Variants in TMEM131 observed in about 807,000 individuals in gnomAD.
TMEM131 encodes 2610524E03Rik.
Under a neutral mutation model 211.6 loss-of-function variants are expected in TMEM131, and 66 were observed. The observed-to-expected ratio is 0.31, with a 90% CI of 0.26 to 0.38. The LOEUF (loss-of-function observed/expected upper bound fraction) is 0.38, where lower values mean the gene tolerates loss of function less well. TMEM131 is among the 10% of genes least tolerant of loss of function. The pLI, the probability that TMEM131 is intolerant of heterozygous loss-of-function variation, is 1.00. For synonymous variants in TMEM131, 844 were observed against 841.3 expected (o/e 1.00, Z -0.06); for missense variants, 2,036 against 2,299.3 (o/e 0.89, Z 2.34).
At chr2:97,800,211 A>G (rs1016991748) in intron 25 of TMEM131, among the ~76,000 whole-genome samples, 2 of 152,136 alleles carry the variant, frequency 1.3e-5, no homozygotes, top group African/African-American at 2.4e-5. Context: ...GTATTTTGAG[A>G]ACCACATTCT....
chr2:97,902,393 G>T (rs1675892757), intron 3 of TMEM131, among the ~76,000 whole-genome samples: 1 of 152,114 alleles, frequency 6.6e-6, no homozygotes, highest in Admixed American at 6.6e-5. Context: ...ACTGTAGACA[G>T]ATAACTGGAG....
intron 31 of TMEM131, 141 bp from the exon 32 acceptor site, chr2:97,776,159 T>C: frequency 2.6e-6 from 2 of 775,036 alleles, no homozygotes; most frequent in Non-Finnish European, 4.0e-6. Flanking sequence ...GTTCACACCA[T>C]TCTCCTGCCT....
chr2:97,809,092 G>C (rs1026170818), intron 19 of TMEM131, among the ~76,000 whole-genome samples: 2 of 152,160 alleles, frequency 1.3e-5, no homozygotes, highest in Admixed American at 6.5e-5. Context: ...TTTCTGCAGA[G>C]AGCCAGTCTT....
At chr2:97,990,831 G>GT (rs2104681221) in intron 1 of TMEM131, among the ~76,000 whole-genome samples, 1 of 152,216 alleles carries the variant, frequency 6.6e-6, no homozygotes, top group Admixed American at 6.5e-5. Flanking sequence ...TTTGTACTGT[G>GT]TTTTGCACCT....
chr2:97,865,065 CAATAGTTTTTATGTGTATGTATGG>C (rs1674217927), intron 4 of TMEM131, among the ~76,000 whole-genome samples: 1 of 152,192 alleles, frequency 6.6e-6, no homozygotes, highest in Non-Finnish European at 1.5e-5. Flanking sequence ...ATGGGGCAAT[CAATAGTTTTTATGTGTATGTATGG>C]AACTGGGGCT....
chr2:97,814,139 A>T lies in TMEM131; in HGVS notation c.1449T>A (p.Val483=). Residue 483 remains valine (V), a splice_region_variant and synonymous_variant, in exon 15 of 41, where the codon GTT becomes GTA. Coordinates refer to ENST00000186436, the MANE Select transcript of TMEM131 (RefSeq NM_015348.2). ...TTAAGACTGGTTTGCTGAAGTTGTG[A>T]ACCTGAGAAATGACAGAAGAGAAAA... The part of the protein sequence containing the change: ...LPEEAKTMFK[V]HNFSKPVLIL... The T allele has an allele frequency of 1.9e-6, 3 of 1,612,408 alleles. No individual in the cohort carries two copies. The highest frequency in any genetic ancestry group is 2.5e-6 in the Non-Finnish European group (3 of 1,179,126).
intron 22 of TMEM131, among the ~76,000 whole-genome samples, 172 bp from the exon 23 acceptor site, chr2:97,802,962 T>C (rs1025882740): frequency 6.6e-6 from 1 of 152,220 alleles, no homozygotes; most frequent in African/African-American, 2.4e-5. Flanking sequence ...TGTCTCTATA[T>C]TGGTGCAAAG....
intron 1 of TMEM131, among the ~76,000 whole-genome samples, chr2:97,937,519 T>C (rs1169242295): frequency 6.6e-6 from 1 of 152,174 alleles, no homozygotes; most frequent in African/African-American, 2.4e-5. Context: ...ACTAAACTAT[T>C]ACAAGTTGAT....
At chr2:97,994,990 CAG>C (rs768605998) in intron 1 of TMEM131, among the ~76,000 whole-genome samples, 1 of 152,172 alleles carries the variant, frequency 6.6e-6, no homozygotes. Context: ...ATCAATAACG[CAG>C]AGACACTAAA....
chr2:97,852,476 A>C (rs1448410128), intron 5 of TMEM131, among the ~76,000 whole-genome samples: 1 of 152,156 alleles, frequency 6.6e-6, no homozygotes, highest in African/African-American at 2.4e-5. Flanking sequence ...CCATTCTCTT[A>C]AGCCAAAGTC....
At chr2:97,822,685 G>C (rs923706925) in intron 11 of TMEM131, among the ~76,000 whole-genome samples, 2 of 152,122 alleles carry the variant, frequency 1.3e-5, no homozygotes, top group African/African-American at 4.8e-5. Flanking sequence ...TGTGGTCTAG[G>C]AGGAAAACTA....
At chr2:97,842,065 TA>T (rs901678623) in intron 6 of TMEM131, 128 bp from the exon 7 acceptor site, 123 of 911,232 alleles carry the variant, frequency 1.3e-4, no homozygotes, top group South Asian at 3.0e-4. Context: ...TCCCTTTATT[TA>T]AAAAAAACCC....
intron 2 of TMEM131, among the ~76,000 whole-genome samples, chr2:97,921,892 A>T (rs1320937104): frequency 1.3e-5 from 2 of 152,232 alleles, no homozygotes; most frequent in Non-Finnish European, 2.9e-5. Flanking sequence ...GAGGGAAGGA[A>T]GAAAACACTT....
Position 97,818,473 on chromosome 2 carries a change from C to A in TMEM131, c.1183+140G>T, listed in dbSNP as rs76682437. Reference sequence around the variant, plus strand: ...CATGATGGTTTACAGCGGGGGGGGGCGGGGGGGGATCAACCTAAGCAGTAA... The same window carrying A: ...CATGATGGTTTACAGCGGGGGGGGGAGGGGGGGGATCAACCTAAGCAGTAA... On this transcript the variant is annotated intron_variant, in intron 12 of 40. Coordinates refer to ENST00000186436, the MANE Select transcript of TMEM131 (RefSeq NM_015348.2). 17 of 56,100 alleles carry A rather than the reference C, an allele frequency of 3.0e-4. 4 individuals are homozygous for A. The highest frequency in any genetic ancestry group is 1.3e-3 in the African/African-American group (4 of 3,070). 3.5% of individuals were successfully genotyped at this position (56,100 alleles called of 1,614,324 possible).
chr2:97,891,035 C>A (rs2104278090), intron 3 of TMEM131, among the ~76,000 whole-genome samples: 1 of 152,278 alleles, frequency 6.6e-6, no homozygotes, highest in East Asian at 1.9e-4. Context: ...GACACAGGTA[C>A]AATCCTATGT....
chr2:97,974,726 A>C (rs77492552), intron 1 of TMEM131, among the ~76,000 whole-genome samples: 5 of 152,022 alleles, frequency 3.3e-5, no homozygotes, highest in African/African-American at 1.2e-4. Context: ...AAAAAAAAAA[A>C]CATGTCGACC....
chr2:97,845,577 A>G (rs1353660800), intron 5 of TMEM131, among the ~76,000 whole-genome samples: 1 of 152,212 alleles, frequency 6.6e-6, no homozygotes, highest in East Asian at 1.9e-4. Context: ...TGTAGGCTGC[A>G]GGTAAAGCAA....
chr2:97,885,043 C>G (rs1675087224), intron 4 of TMEM131, among the ~76,000 whole-genome samples: 1 of 152,130 alleles, frequency 6.6e-6, no homozygotes, highest in Non-Finnish European at 1.5e-5. Flanking sequence ...GATTCTTTTT[C>G]CTTTCTTTGT....
chr2:97,932,842 A>C (rs1349003843), intron 1 of TMEM131, among the ~76,000 whole-genome samples: 1 of 147,084 alleles, frequency 6.8e-6, no homozygotes, highest in Non-Finnish European at 1.5e-5. Flanking sequence ...ATAAACCTAA[A>C]TAGGCTGACT....
Sources: allele counts gnomAD v4.1 joint callset (sites outside exome capture counted in the v4.1 genomes callset), GRCh38; gene constraint gnomAD v4.1.1; transcripts MANE v1.5; gene names NCBI Gene and HGNC (gene_info 2026-07-23, HGNC 2026-07-21).